FBXO25: variants seen among roughly 807,000 people sequenced by gnomAD.
FBXO25 encodes F-box protein 25.
Under a neutral mutation model 51.9 loss-of-function variants are expected in FBXO25, and 45 were observed. The observed-to-expected ratio is 0.87, with a 90% CI of 0.68 to 1.11. The LOEUF (loss-of-function observed/expected upper bound fraction) is 1.11, where lower values mean the gene tolerates loss of function less well. FBXO25 is among the 50% of genes most tolerant of loss of function. FBXO25 has a pLI of 0.00. For missense variants in FBXO25, 507 were observed against 428.5 expected, an observed-to-expected ratio of 1.18 and a Z score of -1.62; for synonymous variants, 199 against 151.0, an observed-to-expected ratio of 1.32 and a Z score of -2.33.
intron 2 of FBXO25, among the ~76,000 whole-genome samples, chr8:415,132 T>C (rs1796718801): frequency 6.6e-6 from 1 of 152,248 alleles, no homozygotes; most frequent in Non-Finnish European, 1.5e-5. Flanking sequence ...TTGAGAAACA[T>C]AGTACTCCTA....
intron 7 of FBXO25, among the ~76,000 whole-genome samples, chr8:457,066 G>C (rs1799488290): frequency 6.6e-6 from 1 of 152,212 alleles, no homozygotes; most frequent in Non-Finnish European, 1.5e-5. Context: ...TCAGAAGGAA[G>C]CTAGCTCTCC....
chr8:448,374 G>A lies in FBXO25; in HGVS notation c.382-1616G>A, dbSNP rs942777945. Among the ~76,000 whole-genome samples the A allele has an allele frequency of 2.2e-4, 33 of 152,206 alleles. 1 individual carries two copies. Among genetic ancestry groups the A allele is most frequent in the African/African-American group, 7.0e-4 (29 of 41,464 alleles). ...CTCCCAATGGCTGAACAAACATGTC[G>A]TCTCTTACTGAGGGAAAAGATCAGG... On this transcript the variant is annotated intron_variant, in intron 5 of 9. Transcript: ENST00000350302.
intron 2 of FBXO25, among the ~76,000 whole-genome samples, chr8:429,274 A>C (rs1404672407): frequency 6.6e-6 from 1 of 152,044 alleles, no homozygotes; most frequent in African/African-American, 2.4e-5. Context: ...CGTAGTGTTA[A>C]TTTGCATTTA....
Position 461,968 on chromosome 8 carries a change from G to A in FBXO25, c.844-1039G>A, listed in dbSNP as rs372226024. 6.0e-4 allele frequency among the ~76,000 whole-genome samples: 92 copies of A among 152,282 alleles called. No homozygotes were observed. In the East Asian group the frequency reaches 6.2e-3, roughly 10 times the overall value. ...AAATAATGCTGCCATGAACATGTTCGAGTTTGTGTGTAGATGCATGTTTTC... is the reference window on the plus strand; with the variant it reads ...AAATAATGCTGCCATGAACATGTTCAAGTTTGTGTGTAGATGCATGTTTTC... On this transcript the variant is annotated intron_variant, in intron 8 of 9. Transcript: ENST00000350302.
intron 5 of FBXO25, among the ~76,000 whole-genome samples, chr8:449,601 G>T (rs1032852448): frequency 6.6e-5 from 10 of 152,190 alleles, no homozygotes; most frequent in African/African-American, 2.4e-4. Context: ...ATGGGCTTAG[G>T]TTGTGAAAAT....
rs17665428 is a variant in FBXO25 at position 435,612 on chromosome 8, C to T, written c.289-3C>T. The T allele has an allele frequency of 0.063, 100,210 of 1,602,866 alleles. 3,638 individuals are homozygous for T. Among genetic ancestry groups the T allele is most frequent in the African/African-American group, 0.14 (10,633 of 74,374 alleles). On this transcript the variant is annotated splice_region_variant and splice_polypyrimidine_tract_variant and intron_variant, in intron 4 of 9. Coordinates refer to ENST00000350302, the MANE Select transcript of FBXO25 (RefSeq NM_183420.2). ...AATTTTAACTTCTGTGTTGCTTTTC[C>T]AGAGGCATGGCTATTGCACCTTGGG...
chr8:436,178 T>C (rs1798091961), intron 5 of FBXO25, among the ~76,000 whole-genome samples: 1 of 152,228 alleles, frequency 6.6e-6, no homozygotes, highest in Non-Finnish European at 1.5e-5. Flanking sequence ...CTTATTGCAT[T>C]AATGATACCC....
At chr8:407,868 A>T (rs573174919) in intron 1 of FBXO25, among the ~76,000 whole-genome samples, 6 of 152,022 alleles carry the variant, frequency 3.9e-5, no homozygotes, top group African/African-American at 1.2e-4. Flanking sequence ...GCTCAATTTG[A>T]CCTTTTTCTC....
intron 2 of FBXO25, among the ~76,000 whole-genome samples, chr8:414,405 C>T (rs1007045237): frequency 1.3e-5 from 2 of 152,010 alleles, no homozygotes; most frequent in Non-Finnish European, 2.9e-5. Flanking sequence ...CTCACATTTA[C>T]TCCCAGTAGC....
At chr8:411,529 G>A (rs557302601) in intron 1 of FBXO25, among the ~76,000 whole-genome samples, 1 of 151,978 alleles carries the variant, frequency 6.6e-6, no homozygotes, top group East Asian at 1.9e-4. Context: ...TTTCTCTCTA[G>A]TCTAACTCTC....
At chr8:459,874 A>G (rs931350399) in intron 8 of FBXO25, among the ~76,000 whole-genome samples, 5 of 152,214 alleles carry the variant, frequency 3.3e-5, no homozygotes, top group African/African-American at 1.2e-4. Context: ...AGAGAGATTA[A>G]TAGGACAAAG....
intron 9 of FBXO25, among the ~76,000 whole-genome samples, chr8:464,069 A>C (rs931805194): frequency 6.6e-6 from 1 of 152,118 alleles, no homozygotes; most frequent in African/African-American, 2.4e-5. Flanking sequence ...TCTGGGCTCA[A>C]GTGATTCTCC....
intron 5 of FBXO25, among the ~76,000 whole-genome samples, chr8:440,396 A>C: frequency 6.6e-6 from 1 of 152,244 alleles, no homozygotes; most frequent in Non-Finnish European, 1.5e-5. Flanking sequence ...CCAAGAGGTA[A>C]AGACAAGAAA....
rs1200332837 is a variant in FBXO25 at position 472,227 on chromosome 8, G to A, written c.*3423G>A. The A allele has an allele frequency of 6.6e-6, 1 of 152,176 alleles. No homozygotes were observed. The highest frequency in any genetic ancestry group is 6.5e-5 in the Admixed American group (1 of 15,274). The allele number at this position is 152,176 out of a possible 1,614,324, so 9.4% of individuals were successfully genotyped here. ...TCCATACATACCCTCTATTAGGTTG[G>A]GGAGGTTCCCTTCTATTCCTAGTTT... is the stretch of plus-strand genomic sequence containing the variant. On this transcript the variant is annotated 3_prime_UTR_variant, in exon 10 of 10. Coordinates refer to ENST00000350302, the MANE Select transcript of FBXO25 (RefSeq NM_183420.2).
rs1479989117 is a variant in FBXO25 at position 451,155 on chromosome 8, C to G, written c.476-114C>G. Reference sequence around the variant, plus strand: ...ATAATATTCTATTGCATGTATAGATCACACGTTGTTTGTCTGTTCGTCTAT... The same window carrying G: ...ATAATATTCTATTGCATGTATAGATGACACGTTGTTTGTCTGTTCGTCTAT... On this transcript the variant is annotated intron_variant, in intron 6 of 9. Transcript: ENST00000350302. The G allele has an allele frequency of 7.5e-6, 6 of 796,394 alleles. No homozygotes were observed. In the South Asian group the frequency reaches 7.7e-5, roughly 10 times the overall value. The allele number at this position is 796,394 out of a possible 1,614,324, so 49.3% of individuals were successfully genotyped here.
At chr8:414,921 G>T (rs1047223862) in intron 2 of FBXO25, among the ~76,000 whole-genome samples, 2 of 152,114 alleles carry the variant, frequency 1.3e-5, no homozygotes, top group African/African-American at 4.8e-5. Flanking sequence ...ACTTTTGTCC[G>T]TTCCTACCAA....
chr8:444,032 G>T (rs887446732), intron 5 of FBXO25, among the ~76,000 whole-genome samples: 4 of 152,106 alleles, frequency 2.6e-5, no homozygotes, highest in African/African-American at 9.7e-5. Context: ...ATCTCTCCCT[G>T]CCTCAGTTTT....
At chr8:465,230 C>A (rs1166804189) in intron 9 of FBXO25, among the ~76,000 whole-genome samples, 1 of 152,134 alleles carries the variant, frequency 6.6e-6, no homozygotes, top group Non-Finnish European at 1.5e-5. Context: ...GGACTGACAC[C>A]TGTTCTTCTC....
intron 6 of FBXO25, chr8:450,983 A>G (rs1443341811): frequency 8.2e-6 from 2 of 244,350 alleles, no homozygotes; most frequent in Non-Finnish European, 1.5e-5. Context: ...TTGACTACTC[A>G]TGTAAGTGCC....
Sources: gnomAD v4.1 joint callset for allele counts (sites outside exome capture counted in the v4.1 genomes callset) on GRCh38, gnomAD v4.1.1 for gene constraint, MANE v1.5 for transcripts, NCBI Gene and HGNC (gene_info 2026-07-23, HGNC 2026-07-21) for gene names.